Variants in LUZP2 observed in about 807,000 individuals in gnomAD.
LUZP2 encodes the protein leucine zipper protein 2.
A neutral mutation model predicts 51.6 loss-of-function variants in LUZP2; 52 were observed. The ratio of observed to expected loss-of-function variants is 1.01; its 90% CI spans 0.81 to 1.27. The LOEUF is 1.27. Ranked by LOEUF, LUZP2 falls within the 50% of genes most tolerant of loss-of-function variation. The pLI is 0.00. For synonymous variants in LUZP2, 154 were observed against 137.3 expected, an observed-to-expected ratio of 1.12 and a Z score of -0.85; for missense variants, 436 against 395.4, an observed-to-expected ratio of 1.10 and a Z score of -0.87.
intron 2 of LUZP2, among the ~76,000 whole-genome samples, chr11:24,730,702 G>C (rs1325936675): frequency 6.6e-6 from 1 of 151,764 alleles, no homozygotes; most frequent in African/African-American, 2.4e-5. Flanking sequence ...AGGCCCAGAT[G>C]TGATCAGTAT....
chr11:24,625,852 G>A (rs1204488379), intron 1 of LUZP2, among the ~76,000 whole-genome samples: 1 of 152,112 alleles, frequency 6.6e-6, no homozygotes, highest in Non-Finnish European at 1.5e-5. Flanking sequence ...GAATATGTTT[G>A]TACAGGACAG....
chr11:24,832,756 A>G (rs916550758), intron 5 of LUZP2, among the ~76,000 whole-genome samples: 1 of 152,028 alleles, frequency 6.6e-6, no homozygotes, highest in African/African-American at 2.4e-5. Context: ...AGTTTTCAAA[A>G]TGTTCACAAT....
intron 5 of LUZP2, among the ~76,000 whole-genome samples, chr11:24,789,293 C>T (rs1196108136): frequency 1.3e-5 from 2 of 152,124 alleles, no homozygotes; most frequent in South Asian, 2.1e-4. Context: ...ACTAGGGATG[C>T]CAGGATTTTC....
chr11:24,841,589 A>G (rs1247527352), intron 5 of LUZP2, among the ~76,000 whole-genome samples: 3 of 152,130 alleles, frequency 2.0e-5, no homozygotes. Context: ...ATTTTTGGAA[A>G]TTATACACAT....
intron 5 of LUZP2, among the ~76,000 whole-genome samples, chr11:24,773,060 A>G (rs1050124595): frequency 7.0e-6 from 1 of 143,840 alleles, no homozygotes; most frequent in Non-Finnish European, 1.5e-5. Flanking sequence ...GGCATTTTGT[A>G]TATTCCTCAT....
intron 1 of LUZP2, among the ~76,000 whole-genome samples, chr11:24,647,219 C>T (rs916733631): frequency 6.6e-6 from 1 of 151,962 alleles, no homozygotes; most frequent in South Asian, 2.1e-4. Context: ...TTACATTATT[C>T]AATTAATTTA....
chr11:24,656,825 T>G (rs531771143), intron 1 of LUZP2, among the ~76,000 whole-genome samples: 1 of 152,290 alleles, frequency 6.6e-6, no homozygotes, highest in Admixed American at 6.5e-5. Flanking sequence ...ATCCCCCTCA[T>G]CTCTCCTCAG....
intron 9 of LUZP2, among the ~76,000 whole-genome samples, chr11:25,044,217 ATATG>A (rs1858207882): frequency 7.2e-6 from 1 of 138,526 alleles, no homozygotes; most frequent in Admixed American, 7.6e-5. Context: ...GTGTATATAT[ATATG>A]TGTGTGTATG....
intron 7 of LUZP2, among the ~76,000 whole-genome samples, chr11:24,972,726 A>G (rs1381144125): frequency 1.3e-5 from 2 of 151,966 alleles, no homozygotes; most frequent in African/African-American, 4.8e-5. Flanking sequence ...ATGAATTTAC[A>G]TTTACTGATT....
At chr11:24,728,638 C>CT (rs1858585159) in intron 1 of LUZP2, among the ~76,000 whole-genome samples, 1 of 151,994 alleles carries the variant, frequency 6.6e-6, no homozygotes, top group Admixed American at 6.6e-5. Context: ...CCAATTATCA[C>CT]TTAACAGTCT....
Position 24,747,718 on chromosome 11 carries a change from G to A in LUZP2, c.333+9416G>A, listed in dbSNP as rs531044946. On this transcript the variant is annotated intron_variant, in intron 4 of 11. Transcript: ENST00000336930. The stretch of plus-strand genomic sequence containing the variant: ...ATGTCTGAGCTCAGACTCTCCTTGG[G>A]TGGGTCTTGCTGTGGCTGTTGTGGG... Among the ~76,000 whole-genome samples, 3 of 152,232 alleles carry A rather than the reference G, an allele frequency of 2.0e-5. No individual in the cohort carries two copies. In the South Asian group the frequency reaches 6.2e-4, roughly 32 times the overall value.
chr11:24,505,821 GA>G (rs1169980445), intron 1 of LUZP2, among the ~76,000 whole-genome samples: 13 of 150,408 alleles, frequency 8.6e-5, no homozygotes, highest in African/African-American at 2.7e-4. Flanking sequence ...GCTTTTAAGA[GA>G]AAAAAAAATA....
At chr11:24,927,078 C>A (rs1447285324) in intron 7 of LUZP2, among the ~76,000 whole-genome samples, 5 of 151,084 alleles carry the variant, frequency 3.3e-5, no homozygotes, top group East Asian at 1.9e-4. Context: ...ATGTTCTTAG[C>A]CAAATTTTGA....
intron 1 of LUZP2, among the ~76,000 whole-genome samples, chr11:24,674,374 A>C (rs1452788556): frequency 6.6e-6 from 1 of 152,162 alleles, no homozygotes; most frequent in Admixed American, 6.5e-5. Context: ...GAAATACGGT[A>C]ACTTGATTTT....
At chr11:24,586,863 T>C in intron 1 of LUZP2, among the ~76,000 whole-genome samples, 1 of 152,142 alleles carries the variant, frequency 6.6e-6, no homozygotes, top group Admixed American at 6.6e-5. Context: ...ATATTATTAA[T>C]GCCAGAACAG....
chr11:24,523,498 C>CAAAAA (rs61432027), intron 1 of LUZP2, among the ~76,000 whole-genome samples: 82 of 148,390 alleles, frequency 5.5e-4, no homozygotes, highest in African/African-American at 1.9e-3. Flanking sequence ...CTTTTTTTTA[C>CAAAAA]AAAAAAAAGA....
chr11:25,075,263 G>T (rs1357811901), intron 10 of LUZP2, among the ~76,000 whole-genome samples: 11 of 152,054 alleles, frequency 7.2e-5, no homozygotes. Context: ...AGAATTAGGT[G>T]GTTAAGAATT....
At chr11:24,602,644 A>C (rs1357137383) in intron 1 of LUZP2, among the ~76,000 whole-genome samples, 1 of 151,534 alleles carries the variant, frequency 6.6e-6, no homozygotes, top group East Asian at 1.9e-4. Flanking sequence ...CCCCTAACCT[A>C]GAATCAAGTA....
At chr11:24,851,350 A>G (rs1034221475) in intron 5 of LUZP2, among the ~76,000 whole-genome samples, 2 of 152,118 alleles carry the variant, frequency 1.3e-5, no homozygotes, top group Non-Finnish European at 2.9e-5. Context: ...TTCTGCATCT[A>G]TTGAGATAAT....
Sources: allele counts gnomAD v4.1 joint callset (sites outside exome capture counted in the v4.1 genomes callset), GRCh38; gene constraint gnomAD v4.1.1; transcripts MANE v1.5; gene names NCBI Gene and HGNC (gene_info 2026-07-23, HGNC 2026-07-21).